The following VMA22 variants were observed in gnomAD, a reference collection of about 807,000 sequenced individuals.
VMA22 encodes vacuolar ATPase assembly factor VMA22.
At chr2:130,340,843 G>C in the VMA22 span, 1 of 1,595,274 alleles carries the variant, frequency 6.3e-7, no homozygotes, top group Non-Finnish European at 8.6e-7. Context: ...TGGCAGCAGT[G>C]CTCAAGTGTT....
chr2:130,339,523 T>G, the VMA22 span: 1 of 1,296,950 alleles, frequency 7.7e-7, no homozygotes, highest in Non-Finnish European at 1.0e-6. Context: ...CTCATTTCCT[T>G]CCTTCCCCCA....
chr2:130,342,239 C>T, the VMA22 span: 1 of 1,546,840 alleles, frequency 6.5e-7, no homozygotes, highest in Non-Finnish European at 8.7e-7. Context: ...TCTGGGGATC[C>T]CCACGCCGGC....
chr2:130,342,190 C>G, the VMA22 span: 2 of 1,584,214 alleles, frequency 1.3e-6, no homozygotes, highest in African/African-American at 1.4e-5. Context: ...GCAGGACAGC[C>G]AATAGGCACA....
chr2:130,339,725 C>G, the VMA22 span: 1 of 1,304,304 alleles, frequency 7.7e-7, no homozygotes, highest in African/African-American at 1.5e-5. Context: ...GGATCACTCG[C>G]TCCAGGAAAC....
At chr2:130,339,513 C>T in the VMA22 span, 2 of 1,318,646 alleles carry the variant, frequency 1.5e-6, no homozygotes, top group Non-Finnish European at 2.0e-6. Flanking sequence ...ATTTCATGCC[C>T]TCATTTCCTT....
the VMA22 span, chr2:130,342,669 A>G: frequency 2.0e-4 from 105 of 517,398 alleles, no homozygotes; most frequent in Middle Eastern, 5.1e-4. Context: ...CTGGGCGGAC[A>G]TATTTATTAG....
At chr2:130,341,792 C>T in the VMA22 span, 1 of 1,562,436 alleles carries the variant, frequency 6.4e-7, no homozygotes, top group Non-Finnish European at 8.7e-7. Flanking sequence ...CAGCCCGGGC[C>T]TAGAACGCGC....
At chr2:130,342,133 C>T in the VMA22 span, 1 of 1,613,486 alleles carries the variant, frequency 6.2e-7, no homozygotes, top group Non-Finnish European at 8.5e-7. Flanking sequence ...CATGGACACA[C>T]CTCCAGATCT....
chr2:130,338,872 C>A, the VMA22 span: 1 of 496,274 alleles, frequency 2.0e-6, no homozygotes, highest in South Asian at 2.2e-5. Context: ...CGTGTACCTG[C>A]CTATGTGAGT....
chr2:130,341,812 C>A, the VMA22 span: 1 of 1,369,088 alleles, frequency 7.3e-7, no homozygotes, highest in South Asian at 1.3e-5. Context: ...CCCGCCCGCC[C>A]ACCCAGCCCA....
the VMA22 span, chr2:130,342,272 CT>C: frequency 6.7e-7 from 1 of 1,495,284 alleles, no homozygotes; most frequent in East Asian, 2.5e-5. Context: ...TCTGGGTCAG[CT>C]TCTTTAAGGG....
chr2:130,339,580 TTC>T, the VMA22 span: 242 of 1,287,472 alleles, frequency 1.9e-4, no homozygotes, highest in South Asian at 7.6e-4. Flanking sequence ...TCCACTTCTT[TTC>T]TCTGTTAGTC....
At chr2:130,339,201 G>T in the VMA22 span, 2 of 1,614,194 alleles carry the variant, frequency 1.2e-6, no homozygotes, top group Non-Finnish European at 1.7e-6. Flanking sequence ...TGCGGTTCTG[G>T]AGGCTGGCTA....
chr2:130,341,082 G>A, the VMA22 span: 5 of 1,531,702 alleles, frequency 3.3e-6, no homozygotes, highest in Non-Finnish European at 4.4e-6. Context: ...CTTACTCCCT[G>A]ACCTTTATCA....
At chr2:130,342,241 C>T in the VMA22 span, 2 of 1,546,298 alleles carry the variant, frequency 1.3e-6, no homozygotes, top group Non-Finnish European at 1.7e-6. Context: ...TGGGGATCCC[C>T]ACGCCGGCAG....
At chr2:130,342,383 A>C in the VMA22 span, 1 of 636,764 alleles carries the variant, frequency 1.6e-6, no homozygotes, top group Non-Finnish European at 2.7e-6. Flanking sequence ...CTAGGGTTAT[A>C]GGTGGTTCTG....
At chr2:130,341,801 G>GACCC in the VMA22 span, 4 of 1,378,140 alleles carry the variant, frequency 2.9e-6, no homozygotes, top group South Asian at 2.6e-5. Context: ...CCTAGAACGC[G>GACCC]CCCGCCCGCC....
the VMA22 span, chr2:130,341,511 T>C: frequency 1.6e-6 from 1 of 626,252 alleles, no homozygotes; most frequent in African/African-American, 1.9e-5. Context: ...CTACTTCCTA[T>C]AAAAGTCTAA....
chr2:130,342,558 T>G, the VMA22 span: 1 of 461,602 alleles, frequency 2.2e-6, no homozygotes, highest in African/African-American at 2.0e-5. Flanking sequence ...TTTTTACAGT[T>G]GAACTGTTTC....
Sources: gnomAD v4.1 joint callset for allele counts on GRCh38, gnomAD v4.1.1 for gene constraint, MANE v1.5 for transcripts, NCBI Gene and HGNC (gene_info 2026-07-23, HGNC 2026-07-21) for gene names.